SRPK2: variants seen among roughly 807,000 people sequenced by gnomAD.
The protein encoded by SRPK2 is SFRS protein kinase 2.
In SRPK2, 21 loss-of-function variants were observed where a neutral mutation model predicts 90.8. The observed-to-expected ratio is 0.23, with a 90% CI of 0.16 to 0.33. SRPK2 has a LOEUF of 0.33. Among genes scored for constraint, SRPK2 ranks in the 10% least tolerant of loss-of-function variants. SRPK2 has a pLI of 1.00. For synonymous variants in SRPK2, 288 were observed against 311.1 expected (o/e 0.93, Z 0.78); for missense variants, 620 against 869.0 (o/e 0.71, Z 3.60).
At chr7:105,355,087 ACTG>A (rs1307563391) in intron 2 of SRPK2, among the ~76,000 whole-genome samples, 3 of 152,186 alleles carry the variant, frequency 2.0e-5, no homozygotes, top group Non-Finnish European at 4.4e-5. Context: ...CATTATTTTT[ACTG>A]CTGAATAATA....
chr7:105,333,688 G>C (rs1428991611), intron 2 of SRPK2, among the ~76,000 whole-genome samples: 1 of 152,184 alleles, frequency 6.6e-6, no homozygotes, highest in Non-Finnish European at 1.5e-5. Context: ...AGAGACAGAA[G>C]AGAATACACA....
intron 2 of SRPK2, among the ~76,000 whole-genome samples, chr7:105,302,825 A>G (rs148773440): frequency 0.024 from 3,649 of 152,236 alleles, 65 homozygotes; most frequent in Non-Finnish European, 0.032. Flanking sequence ...TCTCTTGCAT[A>G]TACCAGGATG....
At chr7:105,195,207 G>A (rs1794770036) in intron 3 of SRPK2, among the ~76,000 whole-genome samples, 1 of 152,160 alleles carries the variant, frequency 6.6e-6, no homozygotes, top group African/African-American at 2.4e-5. Context: ...GTGCCACCGT[G>A]CCCGGCTAAT....
chr7:105,268,658 G>T, intron 2 of SRPK2: 1 of 816,156 alleles, frequency 1.2e-6, no homozygotes, highest in Non-Finnish European at 1.8e-6. Flanking sequence ...AGAACAGCTT[G>T]CCCCAATACA....
In SRPK2 at chr7:105,273,451, A is replaced by G. The variant is rs145160415; in HGVS notation, c.72-69666T>C. 6.3e-3 allele frequency among the ~76,000 whole-genome samples: 927 copies of G among 148,118 alleles called. 3 individuals carry two copies. Among genetic ancestry groups the G allele is most frequent in the Non-Finnish European group, 9.9e-3 (667 of 67,248 alleles). On this transcript the variant is annotated intron_variant, in intron 2 of 15. Transcript: ENST00000393651. ...TTTTTCTTTTTTTTTTTTGAGACAG[A>G]GTCTCGTTCTGCCACCCAGGGTGGA...
At chr7:105,166,355 A>G (rs1197422601) in intron 6 of SRPK2, among the ~76,000 whole-genome samples, 1 of 152,230 alleles carries the variant, frequency 6.6e-6, no homozygotes, top group Non-Finnish European at 1.5e-5. Flanking sequence ...AGAAGTCTCC[A>G]ATACCAACGA....
chr7:105,176,579 GTATGTATATA>G (rs1791893384), intron 3 of SRPK2, among the ~76,000 whole-genome samples: 1 of 107,854 alleles, frequency 9.3e-6, no homozygotes, highest in African/African-American at 3.1e-5. Context: ...GTGTGTGTGT[GTATGTATATA>G]TGTGTGTGTG....
chr7:105,155,827 G>T (rs902069823), intron 7 of SRPK2, among the ~76,000 whole-genome samples: 2 of 152,174 alleles, frequency 1.3e-5, no homozygotes, highest in African/African-American at 4.8e-5. Flanking sequence ...GATAAAAAAC[G>T]GAAAGGTGCC....
intron 7 of SRPK2, among the ~76,000 whole-genome samples, chr7:105,149,201 G>A (rs936565199): frequency 1.3e-5 from 2 of 152,128 alleles, no homozygotes; most frequent in Admixed American, 6.5e-5. Flanking sequence ...TATAAAACCC[G>A]ATTATACATT....
chr7:105,374,647 C>G (rs1015945709), intron 2 of SRPK2, among the ~76,000 whole-genome samples: 4 of 152,132 alleles, frequency 2.6e-5, no homozygotes, highest in Non-Finnish European at 5.9e-5. Flanking sequence ...TTCGGTCGCC[C>G]AGGTTGGAGT....
chr7:105,280,985 A>T (rs1321045096), intron 2 of SRPK2, among the ~76,000 whole-genome samples: 1 of 130,226 alleles, frequency 7.7e-6, no homozygotes, highest in African/African-American at 2.8e-5. Flanking sequence ...AAAAAAAAAA[A>T]CCTTGTTTAT....
At chr7:105,198,194 T>G (rs1795147220) in intron 3 of SRPK2, among the ~76,000 whole-genome samples, 1 of 152,170 alleles carries the variant, frequency 6.6e-6, no homozygotes. Context: ...TGTTAAATAT[T>G]TGGATTCCTA....
intron 10 of SRPK2, 24 bp downstream of exon 10, chr7:105,143,060 G>C (rs780769561): frequency 6.8e-6 from 11 of 1,607,446 alleles, no homozygotes; most frequent in Middle Eastern, 1.7e-4. Flanking sequence ...ACCCCATGCA[G>C]CCCAGGTTCC....
chr7:105,389,042 C>T, upstream of SRPK2: 1 of 970,768 alleles, frequency 1.0e-6, no homozygotes, highest in Non-Finnish European at 1.2e-6. Flanking sequence ...GCCGCGCGCC[C>T]AGCGCCCCGC....
Position 105,172,820 on chromosome 7 carries a change from C to T in SRPK2, c.230-3555G>A, listed in dbSNP as rs2299306. On this transcript the variant is annotated intron_variant, in intron 3 of 15. Transcript: ENST00000393651. ...AATTAAAATCTATATACTACTTAAA[C>T]GTACATTATTGCTAATATTTGTCAC... 1.9e-3 allele frequency among the ~76,000 whole-genome samples: 288 copies of T among 152,218 alleles called. 7 individuals carry two copies. In the East Asian group the frequency reaches 0.046, roughly 24 times the overall value.
At chr7:105,325,482 T>G (rs1813453686) in intron 2 of SRPK2, among the ~76,000 whole-genome samples, 1 of 67,760 alleles carries the variant, frequency 1.5e-5, no homozygotes, top group Non-Finnish European at 2.8e-5. Flanking sequence ...AGAAACCAAG[T>G]CTTCAAAAAA....
intron 2 of SRPK2, among the ~76,000 whole-genome samples, chr7:105,374,977 G>A (rs1820122164): frequency 6.6e-6 from 1 of 152,036 alleles, no homozygotes; most frequent in Non-Finnish European, 1.5e-5. Flanking sequence ...TATAAGAGAT[G>A]ATAATGTAAG....
intron 7 of SRPK2, among the ~76,000 whole-genome samples, chr7:105,154,439 G>A (rs1806192329): frequency 6.6e-6 from 1 of 152,310 alleles, no homozygotes; most frequent in African/African-American, 2.4e-5. Context: ...TACTGGTTCA[G>A]TCATAACAAA....
chr7:105,328,967 G>C (rs1437641009), intron 2 of SRPK2, among the ~76,000 whole-genome samples: 1 of 151,910 alleles, frequency 6.6e-6, no homozygotes, highest in Non-Finnish European at 1.5e-5. Context: ...GATCACCTGA[G>C]GCCAGGTGTT....
Sources: allele counts gnomAD v4.1 joint callset (sites outside exome capture counted in the v4.1 genomes callset), GRCh38; gene constraint gnomAD v4.1.1; transcripts MANE v1.5; gene names NCBI Gene and HGNC (gene_info 2026-07-23, HGNC 2026-07-21).